The following CALN1 variants were observed in gnomAD, a reference collection of about 807,000 sequenced individuals.
CALN1 encodes calcium-binding protein 8.
CALN1 carries 17 observed loss-of-function variants against 30.6 expected under a neutral mutation model. The observed-to-expected ratio is 0.56, with a 90% CI of 0.38 to 0.83. The LOEUF (loss-of-function observed/expected upper bound fraction) is 0.83, where lower values mean the gene tolerates loss of function less well. CALN1 is among the 40% of genes least tolerant of loss of function. The probability of loss-of-function intolerance (pLI) is 0.00; values close to 1 mark genes in which losing one functional copy is unlikely to be tolerated. For missense variants in CALN1, 291 were observed against 354.9 expected (o/e 0.82, Z 1.45); for synonymous variants, 156 against 131.4 (o/e 1.19, Z -1.28).
At chr7:72,403,211 A>G in intron 2 of CALN1, 40 bp downstream of exon 2, 2 of 1,510,968 alleles carry the variant, frequency 1.3e-6, no homozygotes, top group Non-Finnish European at 1.8e-6. Flanking sequence ...GAGGGCTGCC[A>G]AACAATCTAG....
At chr7:72,328,789 G>A (rs1276840212) in intron 2 of CALN1, among the ~76,000 whole-genome samples, 1 of 152,182 alleles carries the variant, frequency 6.6e-6, no homozygotes, top group South Asian at 2.1e-4. Flanking sequence ...TCCGCCTCCT[G>A]GGTTCAAGCA....
chr7:71,960,221 G>C (rs955513378), intron 5 of CALN1, among the ~76,000 whole-genome samples: 2 of 151,730 alleles, frequency 1.3e-5, no homozygotes, highest in African/African-American at 4.8e-5. Flanking sequence ...CATATTTAGA[G>C]GATACAAATG....
chr7:72,208,387 C>G (rs1750962807), intron 3 of CALN1, among the ~76,000 whole-genome samples: 1 of 152,196 alleles, frequency 6.6e-6, no homozygotes, highest in African/African-American at 2.4e-5. Context: ...ATTTTTATCA[C>G]AGCTCTAAAT....
chr7:72,320,637 C>A (rs1049425472), intron 2 of CALN1, among the ~76,000 whole-genome samples: 1 of 152,078 alleles, frequency 6.6e-6, no homozygotes, highest in African/African-American at 2.4e-5. Context: ...GAGTTCAAGA[C>A]CAGCCCGGCC....
chr7:71,896,888 G>T (rs1023475597), intron 5 of CALN1, among the ~76,000 whole-genome samples: 2 of 152,140 alleles, frequency 1.3e-5, no homozygotes, highest in Non-Finnish European at 2.9e-5. Flanking sequence ...TGGGAGGAGG[G>T]TTCTCTTCTG....
intron 3 of CALN1, among the ~76,000 whole-genome samples, chr7:72,170,094 G>A (rs528449366): frequency 1.3e-5 from 2 of 152,276 alleles, no homozygotes; most frequent in African/African-American, 4.8e-5. Flanking sequence ...GAACACCTAG[G>A]CTCAAGCAAT....
chr7:72,501,922 A>ATATATATATATATATAT, the CALN1 span, among the ~76,000 whole-genome samples: 1 of 86,040 alleles, frequency 1.2e-5, no homozygotes, highest in African/African-American at 6.7e-5. Context: ...AAAAAAAAAA[A>ATATATATATATATATAT]AAAAAAATAT....
intron 5 of CALN1, among the ~76,000 whole-genome samples, chr7:71,852,611 AAAAAG>A (rs777750305): frequency 6.6e-6 from 1 of 152,168 alleles, no homozygotes; most frequent in Non-Finnish European, 1.5e-5. Flanking sequence ...CAAAAGAAAA[AAAAAG>A]AAAACAGAAA....
intron 4 of CALN1, among the ~76,000 whole-genome samples, chr7:72,028,058 CAAAAAAAAAA>C (rs34092922): frequency 2.0e-3 from 163 of 82,882 alleles, no homozygotes; most frequent in Non-Finnish European, 3.6e-3. Flanking sequence ...GACTCCGTCT[CAAAAAAAAAA>C]AAAAAAAAAA....
intron 3 of CALN1, among the ~76,000 whole-genome samples, chr7:72,198,865 A>G (rs550946464): frequency 6.6e-6 from 1 of 152,310 alleles, no homozygotes; most frequent in Non-Finnish European, 1.5e-5. Flanking sequence ...GCCAGAGAAA[A>G]GCACTGAGGA....
chr7:72,099,597 G>A (rs939035579), intron 4 of CALN1, among the ~76,000 whole-genome samples: 8 of 151,802 alleles, frequency 5.3e-5, no homozygotes, highest in Admixed American at 2.6e-4. Flanking sequence ...ATACCTTCAA[G>A]ACACGCACTT....
intron 5 of CALN1, among the ~76,000 whole-genome samples, chr7:71,926,706 T>C (rs373548212): frequency 6.6e-6 from 1 of 152,150 alleles, no homozygotes; most frequent in South Asian, 2.1e-4. Context: ...TTTACCTCTT[T>C]GTGTTTCATT....
At chr7:71,973,529 G>T (rs1797953984) in intron 5 of CALN1, among the ~76,000 whole-genome samples, 1 of 152,122 alleles carries the variant, frequency 6.6e-6, no homozygotes, top group Non-Finnish European at 1.5e-5. Flanking sequence ...TAGAAATAAT[G>T]GGTAAGCCAG....
intron 3 of CALN1, among the ~76,000 whole-genome samples, chr7:72,223,428 T>C (rs541808066): frequency 6.6e-6 from 1 of 152,116 alleles, no homozygotes; most frequent in Non-Finnish European, 1.5e-5. Context: ...TGGAAGGTGA[T>C]TCATTTTTTG....
intron 3 of CALN1, among the ~76,000 whole-genome samples, chr7:72,146,947 C>T (rs191162709): frequency 1.3e-5 from 2 of 152,156 alleles, no homozygotes; most frequent in East Asian, 3.8e-4. Flanking sequence ...CCCTTCCTTA[C>T]ACCTTATACA....
At chr7:71,986,097 GAGTGC>G (rs1389035842) in intron 5 of CALN1, among the ~76,000 whole-genome samples, 1 of 151,916 alleles carries the variant, frequency 6.6e-6, no homozygotes, top group Non-Finnish European at 1.5e-5. Context: ...ACCTAGGCTG[GAGTGC>G]AGTGGCACTA....
intron 4 of CALN1, among the ~76,000 whole-genome samples, chr7:72,100,719 CT>C (rs2129540710): frequency 6.8e-6 from 1 of 147,942 alleles, no homozygotes; most frequent in African/African-American, 2.5e-5. Context: ...ACTTGGGAAG[CT>C]GAGGCAGGAG....
intron 5 of CALN1, among the ~76,000 whole-genome samples, chr7:71,837,304 T>A (rs1044727378): frequency 1.3e-5 from 2 of 150,588 alleles, no homozygotes; most frequent in African/African-American, 4.9e-5. Flanking sequence ...GGGCTTATTG[T>A]TAACCAGGTA....
rs149153599 is a variant in CALN1 at position 72,061,543 on chromosome 7, C to T, written c.389-37774G>A. On this transcript the variant is annotated intron_variant, in intron 4 of 6. Coordinates refer to ENST00000395275, the MANE Select transcript of CALN1 (RefSeq NM_031468.4). ...ACTAAAAAAAAAAAAACAGTAACAG[C>T]AAAGAAGCTCTATAGAGGGGCTCAA... Among the ~76,000 whole-genome samples, 445 of 150,426 alleles carry T rather than the reference C, an allele frequency of 3.0e-3. 3 individuals are homozygous for T. Among genetic ancestry groups the T allele is most frequent in the African/African-American group, 8.6e-3 (355 of 41,050 alleles).
Sources: allele counts gnomAD v4.1 joint callset (sites outside exome capture counted in the v4.1 genomes callset), GRCh38; gene constraint gnomAD v4.1.1; transcripts MANE v1.5; gene names NCBI Gene and HGNC (gene_info 2026-07-23, HGNC 2026-07-21).